Variants in MARF1 observed in about 807,000 individuals in gnomAD.
The protein encoded by MARF1 is meiosis regulator and mRNA stability factor 1.
MARF1 carries 24 observed loss-of-function variants against 168.2 expected under a neutral mutation model. The ratio of observed to expected loss-of-function variants is 0.14; its 90% CI spans 0.10 to 0.20. The LOEUF is 0.20. Among genes scored for constraint, MARF1 ranks in the 10% least tolerant of loss-of-function variants. The pLI is 1.00. For missense variants in MARF1, 1,744 were observed against 2,143.6 expected (o/e 0.81, Z 3.68); for synonymous variants, 868 against 822.4 (o/e 1.06, Z -0.95).
At chr16:15,608,260 GAAAAAAAA>G (rs748965777) in intron 21 of MARF1, 23 bp downstream of exon 21, 86 of 832,154 alleles carry the variant, frequency 1.0e-4, no homozygotes, top group South Asian at 3.4e-4. Flanking sequence ...TCCCATGAGG[GAAAAAAAA>G]AAAAAAAAAA....
At position 15,614,829 on chromosome 16, in the gene MARF1, G is replaced by T. The variant is rs909051841; in HGVS notation, c.3253+1001C>A. 1.1e-3 allele frequency among the ~76,000 whole-genome samples: 173 copies of T among 152,000 alleles called. 2 individuals are homozygous for T. The highest frequency in any genetic ancestry group is 0.01 in the Middle Eastern group (3 of 294). On this transcript the variant is annotated intron_variant, in intron 16 of 26. Transcript: ENST00000396368. ...GACAGAGCTTCACTCTTGTCACCCA[G>T]GCTGGAGTGCAATGGCTTGATCTTA...
intron 7 of MARF1, chr16:15,630,120 A>G: frequency 2.4e-6 from 1 of 415,204 alleles, no homozygotes; most frequent in Non-Finnish European, 4.2e-6. Context: ...TTCATATGAT[A>G]TTTTGAAATA....
chr16:15,619,112 CA>C (rs2034272875), intron 13 of MARF1, among the ~76,000 whole-genome samples: 1 of 152,118 alleles, frequency 6.6e-6, no homozygotes, highest in Non-Finnish European at 1.5e-5. Context: ...CCCCTCATTA[CA>C]AAAATTAAAA....
At chr16:15,602,517 A>C (rs771585887) in intron 22 of MARF1, 71 of 532,724 alleles carry the variant, frequency 1.3e-4, no homozygotes, top group African/African-American at 6.2e-4. Context: ...ACGATGAAGA[A>C]GACGAAGACG....
At position 15,624,866 on chromosome 16, in the gene MARF1, C is replaced by G; in HGVS notation, c.2173G>C (p.Glu725Gln). The G allele has an allele frequency of 6.2e-7, 1 of 1,614,176 alleles. No individual in the cohort carries two copies. Among genetic ancestry groups the G allele is most frequent in the Non-Finnish European group, 8.5e-7 (1 of 1,180,028 alleles). ...SSPVEKKDKE[E>Q]TVFQVSYPSA... ...GGGTAACTCACTTGGAATACAGTCT[C>G]CTCTTTATCTTTTTTCTCTACAGGA... Residue 725 changes from glutamate to glutamine, a missense_variant, in exon 10 of 27, where the codon GAG becomes CAG. Glu to Gln is a conservative substitution (Grantham distance 29). This residue lies in a region of MARF1 where 270 missense variants were observed against 260.6 expected (regional missense o/e 1.04). Coordinates refer to ENST00000396368, the MANE Select transcript of MARF1 (RefSeq NM_014647.4).
chr16:15,629,036 CTTT>C (rs35295986), intron 7 of MARF1, among the ~76,000 whole-genome samples: 3 of 138,580 alleles, frequency 2.2e-5, no homozygotes, highest in African/African-American at 5.3e-5. Flanking sequence ...ACTACATTTA[CTTT>C]TTTTTTTTTT....
chr16:15,608,201 T>G, intron 21 of MARF1, 90 bp downstream of exon 21: 2 of 792,908 alleles, frequency 2.5e-6, no homozygotes, highest in Non-Finnish European at 3.9e-6. Context: ...AAAGAAACGC[T>G]ACAGCACACG....
chr16:15,600,617 G>C, intron 24 of MARF1, 24 bp downstream of exon 24: 1 of 1,614,040 alleles, frequency 6.2e-7, no homozygotes, highest in South Asian at 1.1e-5. Context: ...TTTTTAAGGG[G>C]GGAGGGGATG....
rs2151159809 is a variant in MARF1, at chr16:15,617,493, T to C, written c.2763A>G (p.Thr921=). The change falls in exon 14 of 27, where the codon ACA becomes ACG. Residue 921 remains threonine, a synonymous_variant. Transcript: ENST00000396368. ...KLNVSDLYKL[T]DTVAIREQGN... is the part of the protein sequence containing the mutation. The stretch of plus-strand genomic sequence containing the variant: ...CTTGTTCACGGATTGCGACCGTGTC[T>C]GTTAATTTATATAGATCTGACACAT... 6.2e-7 allele frequency: 1 copy of C among 1,613,642 alleles called. No individual in the cohort carries two copies. The highest frequency in any genetic ancestry group is 2.2e-5 in the East Asian group (1 of 44,888).
chr16:15,599,500 G>T (rs1331025280), intron 25 of MARF1, among the ~76,000 whole-genome samples: 2 of 152,198 alleles, frequency 1.3e-5, no homozygotes, highest in East Asian at 3.9e-4. Flanking sequence ...TGAAGGCTGT[G>T]GGGCAGCTTC....
chr16:15,602,248 C>G, intron 22 of MARF1, 45 bp from the exon 23 acceptor site: 1 of 1,541,446 alleles, frequency 6.5e-7, no homozygotes. Flanking sequence ...AGTGACTGGC[C>G]CTGCCCCGTG....
intron 22 of MARF1, 131 bp downstream of exon 22, chr16:15,604,037 G>A (rs576515047): frequency 2.7e-5 from 19 of 703,734 alleles, no homozygotes; most frequent in Non-Finnish European, 4.1e-5. Flanking sequence ...AGGTCTCGGC[G>A]TGTTCATCCA....
rs1409230886 is a variant in MARF1, at chr16:15,599,175, ACAAAAACC to A, written c.4814-159_4814-152del. 1,605 of 727,970 alleles carry A rather than the reference ACAAAAACC, an allele frequency of 2.2e-3. 31 individuals are homozygous for A. In the East Asian group the frequency reaches 0.037, roughly 17 times the overall value. The allele number at this position is 727,970 out of a possible 1,614,324, so 45.1% of individuals were successfully genotyped here. The stretch of plus-strand genomic sequence containing the variant: ...GTATTAAAAAAAAAAAAAAAAAAAA[ACAAAAACC>A]CAAAACCCACTAACAGGAAGATCCT... On this transcript the variant is annotated intron_variant, in intron 25 of 26. Transcript: ENST00000396368.
chr16:15,625,673 G>C lies in MARF1; in HGVS notation c.1652C>G (p.Ala551Gly). The change falls in exon 8 of 27, where the codon GCA (alanine) becomes GGA (glycine). Residue 551 changes from alanine (A) to glycine (G), a missense_variant. By Grantham distance (60) the Ala-to-Gly change is moderately conservative. Around this residue, in one of 7 missense-constraint regions of MARF1, gnomAD observed 217 missense variants for 372.4 expected, o/e 0.58. Coordinates refer to ENST00000396368, the MANE Select transcript of MARF1 (RefSeq NM_014647.4). ...ATCTTGGTTTATGAAGCGGAGAATT[G>C]CACTGCAGCCTGTGATACTCAGCAC... ...GKVLSITGCS[A>G]ILRFINQDSA... is the part of the protein sequence containing the mutation. The C allele has an allele frequency of 6.2e-7, 1 of 1,614,192 alleles. No homozygotes were observed. The highest frequency in any genetic ancestry group is 8.5e-7 in the Non-Finnish European group (1 of 1,180,038).
At chr16:15,624,410 C>G (rs1455335795) in intron 10 of MARF1, among the ~76,000 whole-genome samples, 1 of 152,180 alleles carries the variant, frequency 6.6e-6, no homozygotes, top group Non-Finnish European at 1.5e-5. Flanking sequence ...AAATAGCTTC[C>G]TATACAGAAC....
At chr16:15,600,347 C>G (rs1248568217) in intron 25 of MARF1, 81 bp downstream of exon 25, 4 of 1,580,008 alleles carry the variant, frequency 2.5e-6, no homozygotes, top group Non-Finnish European at 3.5e-6. Flanking sequence ...TGCTGGAGTC[C>G]TTTCCCTCGC....
chr16:15,630,158 T>G, intron 7 of MARF1, 174 bp downstream of exon 7: 1 of 456,438 alleles, frequency 2.2e-6, no homozygotes, highest in Non-Finnish European at 3.8e-6. Flanking sequence ...TACATACCAA[T>G]TATCTGTATA....
chr16:15,639,068 C>T (rs1388650788), intron 2 of MARF1, 22 bp downstream of exon 2: 8 of 1,607,780 alleles, frequency 5.0e-6, no homozygotes, highest in African/African-American at 1.3e-5. Context: ...TCTGCTACAT[C>T]CTTAGTCTTG....
intron 11 of MARF1, 139 bp downstream of exon 11, chr16:15,622,795 C>T (rs2034559026): frequency 3.3e-6 from 2 of 605,698 alleles, no homozygotes; most frequent in Non-Finnish European, 5.4e-6. Flanking sequence ...CTGAGCAGAC[C>T]AAAGGGAAAA....
Sources: allele counts gnomAD v4.1 joint callset (sites outside exome capture counted in the v4.1 genomes callset), GRCh38; gene constraint gnomAD v4.1.1; regional missense constraint gnomAD v4.1.1; transcripts MANE v1.5; gene names NCBI Gene and HGNC (gene_info 2026-07-23, HGNC 2026-07-21).